The following SLC16A2 variants were observed in gnomAD, a reference collection of about 807,000 sequenced individuals.
SLC16A2 encodes the protein solute carrier family 16 member 2.
SLC16A2 carries 3 observed loss-of-function variants against 27.2 expected under a neutral mutation model. The observed-to-expected ratio is 0.11, with a 90% CI of 0.05 to 0.28. The LOEUF (loss-of-function observed/expected upper bound fraction) is 0.28. SLC16A2 is among the 10% of genes least tolerant of loss of function. The pLI, the probability that SLC16A2 is intolerant of heterozygous loss-of-function variation, is 1.00. For missense variants in SLC16A2, 295 were observed against 458.5 expected, an observed-to-expected ratio of 0.64 and a Z score of 3.26; for synonymous variants, 202 against 187.8, an observed-to-expected ratio of 1.08 and a Z score of -0.62.
intron 1 of SLC16A2, among the ~76,000 whole-genome samples, chrX:74,518,661 A>G (rs144226206): frequency 3.6e-5 from 4 of 111,861 alleles, no homozygotes; most frequent in East Asian, 2.8e-4. Context: ...TGGTTTTAAT[A>G]TGCGTTTCTC....
chrX:74,430,197 C>T (rs192398613), intron 1 of SLC16A2, among the ~76,000 whole-genome samples: 35 of 112,215 alleles, frequency 3.1e-4, no homozygotes, highest in African/African-American at 1.1e-3. Context: ...GAGGTAGGTA[C>T]CATTATTTCC....
chrX:74,506,062 A>G (rs1407715192), intron 1 of SLC16A2, among the ~76,000 whole-genome samples: 2 of 111,659 alleles, frequency 1.8e-5, no homozygotes, highest in African/African-American at 6.5e-5. Flanking sequence ...GGGTATAGAG[A>G]TTTGCTAACC....
chrX:74,524,337 G>C (rs757379291), intron 2 of SLC16A2, 22 bp from the exon 3 acceptor site: 1 of 1,207,189 alleles, frequency 8.3e-7, no homozygotes, highest in South Asian at 1.8e-5. Flanking sequence ...GCTGAGGACA[G>C]CTCTTGGTAT....
At chrX:74,453,092 G>A (rs1420925087) in intron 1 of SLC16A2, among the ~76,000 whole-genome samples, 1 of 106,238 alleles carries the variant, frequency 9.4e-6, no homozygotes, top group Non-Finnish European at 1.9e-5. Flanking sequence ...CTGCCACCCA[G>A]GCTGGAGTGC....
At chrX:74,453,166 C>G (rs1027784164) in intron 1 of SLC16A2, among the ~76,000 whole-genome samples, 1 of 109,179 alleles carries the variant, frequency 9.2e-6, no homozygotes, top group Non-Finnish European at 1.9e-5. Flanking sequence ...CTCAGCCTCC[C>G]GAGTAGCTGG....
intron 1 of SLC16A2, among the ~76,000 whole-genome samples, chrX:74,433,233 G>T (rs1381516752): frequency 1.8e-5 from 2 of 110,406 alleles, no homozygotes; most frequent in Non-Finnish European, 3.8e-5. Context: ...TTAGCTGGGC[G>T]CAGTGGTGTG....
intron 1 of SLC16A2, among the ~76,000 whole-genome samples, chrX:74,519,579 G>A (rs1930371831): frequency 9.5e-6 from 1 of 105,209 alleles, no homozygotes; most frequent in South Asian, 4.4e-4. Context: ...AGCCGGGCGT[G>A]GTGGCAGGCA....
At chrX:74,517,573 C>T (rs904402622) in intron 1 of SLC16A2, among the ~76,000 whole-genome samples, 3 of 111,481 alleles carry the variant, frequency 2.7e-5, no homozygotes, top group Non-Finnish European at 3.8e-5. Context: ...TCTGCTTTCC[C>T]GCCTTCTCCC....
intron 1 of SLC16A2, among the ~76,000 whole-genome samples, chrX:74,437,315 T>G (rs1928646151): frequency 8.9e-6 from 1 of 112,547 alleles, no homozygotes; most frequent in Middle Eastern, 4.6e-3. Flanking sequence ...TTCAGATGAC[T>G]GAGCATGGTC....
intron 1 of SLC16A2, among the ~76,000 whole-genome samples, chrX:74,433,287 G>T (rs1928565729): frequency 9.1e-6 from 1 of 109,589 alleles, no homozygotes; most frequent in Non-Finnish European, 1.9e-5. Context: ...CAGGAGAATT[G>T]CTTGAACCCA....
At chrX:74,518,035 T>G (rs1930343384) in intron 1 of SLC16A2, among the ~76,000 whole-genome samples, 1 of 112,279 alleles carries the variant, frequency 8.9e-6, no homozygotes, top group South Asian at 3.7e-4. Flanking sequence ...GAAGTACATT[T>G]GGGTTGTTTC....
At chrX:74,430,806 A>G (rs952191850) in intron 1 of SLC16A2, among the ~76,000 whole-genome samples, 3 of 112,333 alleles carry the variant, frequency 2.7e-5, no homozygotes, top group Non-Finnish European at 5.6e-5. Flanking sequence ...CAGTGGCACG[A>G]TCTTCGCTCA....
intron 1 of SLC16A2, among the ~76,000 whole-genome samples, chrX:74,470,670 G>T: frequency 8.9e-6 from 1 of 111,955 alleles, no homozygotes; most frequent in Non-Finnish European, 1.9e-5. Flanking sequence ...AGTTATGCCA[G>T]GCGCGGTGGC....
At chrX:74,430,971 G>T (rs1022316822) in intron 1 of SLC16A2, among the ~76,000 whole-genome samples, 1 of 112,392 alleles carries the variant, frequency 8.9e-6, no homozygotes, top group Non-Finnish European at 1.9e-5. Flanking sequence ...CGAACTCTTG[G>T]ACTCAAGCCA....
intron 1 of SLC16A2, among the ~76,000 whole-genome samples, chrX:74,487,973 C>A (rs1929751180): frequency 8.9e-6 from 1 of 111,794 alleles, no homozygotes; most frequent in African/African-American, 3.2e-5. Flanking sequence ...CTTGTAGTAA[C>A]CAAAATTCCC....
chrX:74,440,352 C>A (rs955119155), intron 1 of SLC16A2, among the ~76,000 whole-genome samples: 2 of 110,865 alleles, frequency 1.8e-5, no homozygotes, highest in African/African-American at 6.6e-5. Flanking sequence ...AAAGGGCAAA[C>A]TATAAGGGCT....
chrX:74,451,876 G>A (rs1444154507), intron 1 of SLC16A2, among the ~76,000 whole-genome samples: 1 of 112,764 alleles, frequency 8.9e-6, no homozygotes, highest in Non-Finnish European at 1.9e-5. Context: ...TTATAAATAG[G>A]AGGGAATGAG....
intron 1 of SLC16A2, among the ~76,000 whole-genome samples, chrX:74,428,259 C>G (rs1233281192): frequency 9.0e-6 from 1 of 110,888 alleles, no homozygotes; most frequent in African/African-American, 3.3e-5. Flanking sequence ...TGTGAAATCG[C>G]TTGACACCTC....
chrX:74,426,087 T>A (rs1928396832), intron 1 of SLC16A2, among the ~76,000 whole-genome samples: 1 of 112,058 alleles, frequency 8.9e-6, no homozygotes, highest in Non-Finnish European at 1.9e-5. Flanking sequence ...TAGGCTGTCT[T>A]TCTCCTTCTC....
Sources: gnomAD v4.1 joint callset for allele counts (sites outside exome capture counted in the v4.1 genomes callset) on GRCh38, gnomAD v4.1.1 for gene constraint, MANE v1.5 for transcripts, NCBI Gene and HGNC (gene_info 2026-07-23, HGNC 2026-07-21) for gene names.